EDNRB: variants seen among roughly 807,000 people sequenced by gnomAD.
EDNRB encodes the protein endothelin receptor type B.
Under a neutral mutation model 46.4 loss-of-function variants are expected in EDNRB, and 18 were observed. That is an observed-to-expected ratio of 0.39 (90% CI 0.27 to 0.57). The LOEUF is 0.57. EDNRB is among the 20% of genes least tolerant of loss of function. The pLI, the probability that EDNRB is intolerant of heterozygous loss-of-function variation, is 0.61. For missense variants in EDNRB, 434 were observed against 537.5 expected, an observed-to-expected ratio of 0.81 and a Z score of 1.90; for synonymous variants, 213 against 204.9, an observed-to-expected ratio of 1.04 and a Z score of -0.34.
upstream of EDNRB, among the ~76,000 whole-genome samples, chr13:77,920,884 C>T (rs922671230): frequency 1.3e-5 from 2 of 152,152 alleles, no homozygotes; most frequent in African/African-American, 4.8e-5. Flanking sequence ...TGGATCTGCC[C>T]TTCCTATACA....
intron 1 of EDNRB, among the ~76,000 whole-genome samples, chr13:77,945,233 C>A (rs570994729): frequency 4.6e-5 from 7 of 152,118 alleles, no homozygotes; most frequent in African/African-American, 1.7e-4. Context: ...ATATACAGAA[C>A]TTTCTTGCTA....
chr13:77,963,567 A>G (rs992812192), intron 1 of EDNRB, among the ~76,000 whole-genome samples: 2 of 152,198 alleles, frequency 1.3e-5, no homozygotes, highest in Non-Finnish European at 2.9e-5. Context: ...GGCTAGCCAT[A>G]TGTAGAAAGC....
At chr13:77,933,814 G>A (rs1400083904) in intron 1 of EDNRB, among the ~76,000 whole-genome samples, 1 of 152,146 alleles carries the variant, frequency 6.6e-6, no homozygotes, top group Non-Finnish European at 1.5e-5. Context: ...GGAAGATTTT[G>A]TGGTAAGGAG....
chr13:77,931,744 C>CAAAAAAAAAAA (rs67176737), intron 1 of EDNRB, among the ~76,000 whole-genome samples: 16 of 83,424 alleles, frequency 1.9e-4, no homozygotes, highest in African/African-American at 3.8e-4. Flanking sequence ...ACTGTAGTAG[C>CAAAAAAAAAAA]AAAAAAAAAA....
chr13:77,973,406 C>T (rs1031260500), intron 1 of EDNRB, among the ~76,000 whole-genome samples: 4 of 151,982 alleles, frequency 2.6e-5, no homozygotes, highest in African/African-American at 9.7e-5. Context: ...CTCTTTTTAA[C>T]ATTTTATAAT....
intron 1 of EDNRB, among the ~76,000 whole-genome samples, chr13:77,953,877 A>G (rs866524012): frequency 2.0e-4 from 30 of 152,208 alleles, no homozygotes; most frequent in African/African-American, 7.2e-4. Flanking sequence ...GTTGTTTCCA[A>G]CTGTCCTTTA....
At chr13:77,918,915 G>A (rs1291265188), upstream of EDNRB, 42 of 1,215,638 alleles carry the variant, frequency 3.5e-5, no homozygotes, top group Admixed American at 7.8e-5. The surrounding 1 kb of genome is among the most constrained non-coding windows in gnomAD (Gnocchi z 4.5). Flanking sequence ...AATGATGGGG[G>A]TCCCAGGCAA....
At position 77,896,814 on chromosome 13, in the gene EDNRB, A is replaced by T; in HGVS notation, c.*1386T>A. ...TTTTCTCTTGTACATACTTTCACACACATCTCATCCCAAGCTATCCTAAGG... is the reference window on the plus strand; with the variant it reads ...TTTTCTCTTGTACATACTTTCACACTCATCTCATCCCAAGCTATCCTAAGG... On this transcript the variant is annotated 3_prime_UTR_variant, in exon 7 of 7. Transcript: ENST00000646607. The T allele has an allele frequency of 8.4e-7, 1 of 1,195,456 alleles. No homozygotes were observed. The highest frequency in any genetic ancestry group is 1.0e-6 in the Non-Finnish European group (1 of 962,938). The allele number at this position is 1,195,456 out of a possible 1,614,324, so 74.1% of individuals were successfully genotyped here.
At chr13:77,916,073 G>A (rs1349690820) in intron 1 of EDNRB, among the ~76,000 whole-genome samples, 1 of 152,130 alleles carries the variant, frequency 6.6e-6, no homozygotes, top group Non-Finnish European at 1.5e-5. Flanking sequence ...CTAAAAAAAT[G>A]TTCTCAATCC....
chr13:77,908,550 T>C (rs1879408177), intron 1 of EDNRB, among the ~76,000 whole-genome samples: 1 of 151,774 alleles, frequency 6.6e-6, no homozygotes, highest in Non-Finnish European at 1.5e-5. Flanking sequence ...TTGGGAAAAA[T>C]AACAACATCT....
At chr13:77,923,027 G>A (rs745733395), upstream of EDNRB, among the ~76,000 whole-genome samples, 4 of 152,106 alleles carry the variant, frequency 2.6e-5, no homozygotes, top group Non-Finnish European at 5.9e-5. Context: ...TCTGACATTT[G>A]AAACGTTATC....
At chr13:77,908,152 A>C (rs1171081701) in intron 1 of EDNRB, among the ~76,000 whole-genome samples, 1 of 151,522 alleles carries the variant, frequency 6.6e-6, no homozygotes, top group Non-Finnish European at 1.5e-5. Flanking sequence ...AAGAGCATGC[A>C]CTGTTGCTTC....
At chr13:77,934,680 G>GT (rs1491569200) in intron 1 of EDNRB, among the ~76,000 whole-genome samples, 1 of 23,016 alleles carries the variant, frequency 4.3e-5, no homozygotes, top group African/African-American at 5.0e-4. Context: ...GTGTAGGAAA[G>GT]GGGGGGGGGG....
intron 1 of EDNRB, among the ~76,000 whole-genome samples, chr13:77,946,805 C>T (rs1242728406): frequency 1.3e-5 from 2 of 152,202 alleles, no homozygotes; most frequent in Non-Finnish European, 2.9e-5. Flanking sequence ...AGTTTGTACT[C>T]CCACCCTCAC....
At chr13:77,958,451 C>A (rs1359255015) in intron 1 of EDNRB, among the ~76,000 whole-genome samples, 2 of 152,300 alleles carry the variant, frequency 1.3e-5, no homozygotes, top group East Asian at 3.9e-4. Flanking sequence ...CAGCTCACTG[C>A]AAGCTCCGCC....
chr13:77,903,439 C>T, intron 2 of EDNRB, 56 bp downstream of exon 2: 1 of 1,609,780 alleles, frequency 6.2e-7, no homozygotes. Flanking sequence ...TTCTAAGTAA[C>T]ATGGAAAACA....
At chr13:77,951,110 T>G (rs1294736534) in intron 1 of EDNRB, among the ~76,000 whole-genome samples, 1 of 152,134 alleles carries the variant, frequency 6.6e-6, no homozygotes, top group African/African-American at 2.4e-5. Context: ...AACATGGACT[T>G]TGACAAAAAT....
At chr13:77,915,330 A>T (rs1299267181) in intron 1 of EDNRB, among the ~76,000 whole-genome samples, 1 of 152,158 alleles carries the variant, frequency 6.6e-6, no homozygotes, top group African/African-American at 2.4e-5. Context: ...AATTTCTGAA[A>T]ATGTTTACCA....
At chr13:77,919,486 G>A (rs1447007979), upstream of EDNRB, 1 of 1,612,674 alleles carries the variant, frequency 6.2e-7, no homozygotes, top group African/African-American at 1.3e-5. Flanking sequence ...CCTGCTCTGG[G>A]AGAGGAGCAC....
Sources: gnomAD v4.1 joint callset for allele counts (sites outside exome capture counted in the v4.1 genomes callset) on GRCh38, gnomAD v4.1.1 for gene constraint, Gnocchi (gnomAD v3.1) non-coding constraint, MANE v1.5 for transcripts, NCBI Gene and HGNC (gene_info 2026-07-23, HGNC 2026-07-21) for gene names.